FBXO42: variants seen among roughly 807,000 people sequenced by gnomAD.
The protein encoded by FBXO42 is F-box protein 42, also known as F-box only protein 42.
Under a neutral mutation model 71.7 loss-of-function variants are expected in FBXO42, and 12 were observed. The observed-to-expected ratio is 0.17, with a 90% CI of 0.11 to 0.27. FBXO42 has a LOEUF of 0.27. FBXO42 is among the 10% of genes least tolerant of loss of function. FBXO42 has a pLI of 1.00. For missense variants in FBXO42, 707 were observed against 911.9 expected, an observed-to-expected ratio of 0.78 and a Z score of 2.89; for synonymous variants, 325 against 327.5, an observed-to-expected ratio of 0.99 and a Z score of 0.08.
At chr1:16,277,625 T>C (rs923067391) in intron 4 of FBXO42, among the ~76,000 whole-genome samples, 2 of 150,854 alleles carry the variant, frequency 1.3e-5, no homozygotes, top group African/African-American at 4.9e-5. Flanking sequence ...CTCAGGAGGC[T>C]GAGGCAGAAG....
At chr1:16,278,224 C>A (rs943062067) in intron 4 of FBXO42, among the ~76,000 whole-genome samples, 5 of 151,480 alleles carry the variant, frequency 3.3e-5, no homozygotes, top group Non-Finnish European at 7.4e-5. Flanking sequence ...GGTATGGTGG[C>A]ACATGCCTGT....
At chr1:16,347,514 A>AAAACAAAC (rs537447737) in intron 1 of FBXO42, among the ~76,000 whole-genome samples, 2 of 151,984 alleles carry the variant, frequency 1.3e-5, no homozygotes, top group African/African-American at 2.4e-5. Flanking sequence ...ACTTCCTCTC[A>AAAACAAAC]AAACAAACAA....
At chr1:16,267,009 A>G (rs1303477739) in intron 4 of FBXO42, among the ~76,000 whole-genome samples, 5 of 152,310 alleles carry the variant, frequency 3.3e-5, no homozygotes, top group Non-Finnish European at 1.5e-5. Context: ...AGCATGTTTC[A>G]TGGTTCTGTG....
chr1:16,252,365 G>C lies in FBXO42; in HGVS notation c.961C>G (p.Pro321Ala). ...DAWLLHMHSG[P>A]WAWQPLKVEN... is the part of the protein sequence containing the mutation. ...ACCTTGAGTGGCTGCCAGGCCCAAG[G>C]ACCAGAATGCATGTGCAACAACCAA... Residue 321 changes from proline to alanine, a missense_variant, in exon 9 of 10, where the codon CCT becomes GCT. Transcript: ENST00000375592. The surrounding 1 kb of genome is among the most constrained non-coding windows in gnomAD (Gnocchi z 4.4). 1 of 1,614,124 alleles carries C rather than the reference G, an allele frequency of 6.2e-7. No individual in the cohort carries two copies. Among genetic ancestry groups the C allele is most frequent in the Non-Finnish European group, 8.5e-7 (1 of 1,180,018 alleles).
At chr1:16,328,218 T>G (rs2100602377) in intron 1 of FBXO42, among the ~76,000 whole-genome samples, 1 of 152,236 alleles carries the variant, frequency 6.6e-6, no homozygotes, top group African/African-American at 2.4e-5. Context: ...GGATCCTAGA[T>G]TATGATAAAA....
chr1:16,279,118 C>G (rs1286506018), intron 4 of FBXO42, among the ~76,000 whole-genome samples: 1 of 152,148 alleles, frequency 6.6e-6, no homozygotes, highest in South Asian at 2.1e-4. Context: ...GTCGTGCTCC[C>G]TATCCAATTT....
intron 6 of FBXO42, among the ~76,000 whole-genome samples, chr1:16,255,444 C>T (rs1295889592): frequency 2.0e-5 from 3 of 151,968 alleles, no homozygotes; most frequent in Non-Finnish European, 4.4e-5. Flanking sequence ...AAGCGATTCT[C>T]CTGCCTTAGT....
At chr1:16,267,433 G>A (rs12084628) in intron 4 of FBXO42, among the ~76,000 whole-genome samples, 53,806 of 151,926 alleles carry the variant, frequency 0.35, 10,043 homozygotes, top group African/African-American at 0.42. Flanking sequence ...ATTCTCCCCA[G>A]TAAGACTACA....
At chr1:16,304,756 G>A (rs1271952824) in intron 3 of FBXO42, among the ~76,000 whole-genome samples, 1 of 151,584 alleles carries the variant, frequency 6.6e-6, no homozygotes, top group Non-Finnish European at 1.5e-5. Context: ...ATCACCTGAG[G>A]TCAGGAGTTC....
chr1:16,305,695 TA>T, intron 3 of FBXO42, 107 bp downstream of exon 3: 1 of 911,248 alleles, frequency 1.1e-6, no homozygotes, highest in Non-Finnish European at 1.8e-6. Context: ...GCTTGGGTGA[TA>T]GAGTGAGACC....
At chr1:16,302,776 C>G (rs2100548464) in intron 3 of FBXO42, among the ~76,000 whole-genome samples, 1 of 152,354 alleles carries the variant, frequency 6.6e-6, no homozygotes, top group African/African-American at 2.4e-5. Context: ...TCCCAAAGTG[C>G]TGGGATTACA....
intron 4 of FBXO42, among the ~76,000 whole-genome samples, chr1:16,260,975 G>C (rs142264882): frequency 3.3e-5 from 5 of 152,086 alleles, no homozygotes; most frequent in African/African-American, 1.2e-4. Flanking sequence ...CCAAAGTGCT[G>C]GAATTACAGG....
At chr1:16,286,031 T>G (rs937476805) in intron 4 of FBXO42, among the ~76,000 whole-genome samples, 1 of 151,678 alleles carries the variant, frequency 6.6e-6, no homozygotes, top group Non-Finnish European at 1.5e-5. Context: ...GGACTATAGG[T>G]TCACACCACG....
chr1:16,313,324 C>CAAACAAAGAAAG (rs1218170929), intron 2 of FBXO42, among the ~76,000 whole-genome samples: 7 of 137,820 alleles, frequency 5.1e-5, no homozygotes, highest in African/African-American at 1.7e-4. Context: ...GAAAAGAAAA[C>CAAACAAAGAAAG]AAAGAAAGAA....
Position 16,253,618 on chromosome 1 carries a change from T to A in FBXO42, c.864+17A>T, listed in dbSNP as rs1340170995. 2 of 1,613,244 alleles carry A rather than the reference T, an allele frequency of 1.2e-6. No homozygotes were observed. Among genetic ancestry groups the A allele is most frequent in the South Asian group, 2.2e-5 (2 of 91,030 alleles). On this transcript the variant is annotated intron_variant, in intron 7 of 9. Transcript: ENST00000375592. ...CGCTACAGTGTTTGCTGAATAGTTA[T>A]TTTAATTCCTGAGCACCTGAGATTG...
chr1:16,312,075 G>A (rs568404344), intron 2 of FBXO42, among the ~76,000 whole-genome samples: 6 of 151,936 alleles, frequency 3.9e-5, no homozygotes, highest in Non-Finnish European at 7.4e-5. Flanking sequence ...AGAAATGGAG[G>A]AAGCCGGGCA....
At chr1:16,296,492 A>G (rs2082131442) in intron 3 of FBXO42, among the ~76,000 whole-genome samples, 1 of 152,018 alleles carries the variant, frequency 6.6e-6, no homozygotes, top group South Asian at 2.1e-4. Flanking sequence ...TCTACTAAAA[A>G]TAAAAAAATT....
At chr1:16,323,412 C>T (rs532412154) in intron 1 of FBXO42, among the ~76,000 whole-genome samples, 18 of 151,768 alleles carry the variant, frequency 1.2e-4, no homozygotes, top group East Asian at 9.7e-4. Context: ...TGCGAGACTC[C>T]GTCTCAAAAA....
chr1:16,322,780 C>T (rs1394622530), intron 1 of FBXO42, among the ~76,000 whole-genome samples: 1 of 152,112 alleles, frequency 6.6e-6, no homozygotes, highest in African/African-American at 2.4e-5. Context: ...ACAAAAACCT[C>T]CCTAAGTAAT....
Sources: gnomAD v4.1 joint callset for allele counts (sites outside exome capture counted in the v4.1 genomes callset) on GRCh38, gnomAD v4.1.1 for gene constraint, Gnocchi (gnomAD v3.1) non-coding constraint, MANE v1.5 for transcripts, NCBI Gene and HGNC (gene_info 2026-07-23, HGNC 2026-07-21) for gene names.